The following E2F2 variants were observed in gnomAD, a reference collection of about 807,000 sequenced individuals.
The protein encoded by E2F2 is transcription factor E2F2.
A neutral mutation model predicts 42.2 loss-of-function variants in E2F2; 22 were observed. The observed-to-expected ratio is 0.52, with a 90% CI of 0.37 to 0.74. The LOEUF (loss-of-function observed/expected upper bound fraction) is 0.74, where lower values mean the gene tolerates loss of function less well. Among genes scored for constraint, E2F2 ranks in the 30% least tolerant of loss-of-function variants. The pLI is 0.00. For missense variants in E2F2, 481 were observed against 557.8 expected, an observed-to-expected ratio of 0.86 and a Z score of 1.39; for synonymous variants, 248 against 251.6, an observed-to-expected ratio of 0.99 and a Z score of 0.13.
intron 6 of E2F2, among the ~76,000 whole-genome samples, chr1:23,513,931 C>T (rs1642964157): frequency 6.6e-6 from 1 of 152,060 alleles, no homozygotes; most frequent in Non-Finnish European, 1.5e-5. Context: ...CGAGACCAGC[C>T]TGGCCAACAT....
chr1:23,511,968 C>G (rs1342743786), intron 6 of E2F2, among the ~76,000 whole-genome samples: 1 of 152,086 alleles, frequency 6.6e-6, no homozygotes, highest in Non-Finnish European at 1.5e-5. Flanking sequence ...GAGGGCGAGG[C>G]AGGCAGATCA....
Position 23,509,643 on chromosome 1 carries a change from G to T in E2F2, c.*237C>A. On this transcript the variant is annotated 3_prime_UTR_variant, in exon 7 of 7. Coordinates refer to ENST00000361729, the MANE Select transcript of E2F2 (RefSeq NM_004091.4). Reference sequence around the variant, plus strand: ...AGGTCAGAAGTCAGAAGACTGGATGGGCCTCCCTAGGCCCAGCTTCCATTA... The same window carrying T: ...AGGTCAGAAGTCAGAAGACTGGATGTGCCTCCCTAGGCCCAGCTTCCATTA... The T allele has an allele frequency of 1.5e-6, 1 of 680,302 alleles. No individual in the cohort carries two copies. The highest frequency in any genetic ancestry group is 2.0e-6 in the Non-Finnish European group (1 of 487,966). The allele number at this position is 680,302 out of a possible 1,614,324, so 42.1% of individuals were successfully genotyped here.
At chr1:23,505,519 C>CT (rs199998581), downstream of E2F2, among the ~76,000 whole-genome samples, 8,393 of 147,496 alleles carry the variant, frequency 0.057, 538 homozygotes, top group South Asian at 0.28. Context: ...GGCAAGGTCT[C>CT]TTTTTTTTTT....
intron 1 of E2F2, among the ~76,000 whole-genome samples, chr1:23,527,213 A>T (rs1242460993): frequency 6.6e-6 from 1 of 152,222 alleles, no homozygotes; most frequent in Non-Finnish European, 1.5e-5. Flanking sequence ...ATTCAGTGAG[A>T]TAGTGCAGCA....
intron 3 of E2F2, 104 bp from the exon 4 acceptor site, chr1:23,521,175 A>C: frequency 2.3e-6 from 3 of 1,285,910 alleles, no homozygotes; most frequent in Non-Finnish European, 3.1e-6. Flanking sequence ...TGTGGAAATC[A>C]GTGGTCATGC....
intron 6 of E2F2, among the ~76,000 whole-genome samples, chr1:23,511,680 C>T (rs1208554538): frequency 6.6e-6 from 1 of 152,240 alleles, no homozygotes; most frequent in Admixed American, 6.5e-5. Context: ...AAGTATTATT[C>T]TGAAGATACA....
chr1:23,516,634 A>T, intron 5 of E2F2, 107 bp from the exon 6 acceptor site: 2 of 901,420 alleles, frequency 2.2e-6, no homozygotes, highest in Non-Finnish European at 3.3e-6. Context: ...GTGCAAGCTC[A>T]AACCCTGGGC....
chr1:23,510,612 GC>G (rs1193646306), intron 6 of E2F2, among the ~76,000 whole-genome samples: 1 of 152,142 alleles, frequency 6.6e-6, no homozygotes, highest in Non-Finnish European at 1.5e-5. Flanking sequence ...ACTGTGCCCG[GC>G]CAAAAAGGAA....
At chr1:23,510,765 A>G (rs1642894068) in intron 6 of E2F2, among the ~76,000 whole-genome samples, 1 of 152,190 alleles carries the variant, frequency 6.6e-6, no homozygotes, top group South Asian at 2.1e-4. Context: ...AGAGAGTAGA[A>G]GGGTGGTTGT....
downstream of E2F2, among the ~76,000 whole-genome samples, chr1:23,505,696 G>A (rs938111684): frequency 6.6e-6 from 1 of 152,036 alleles, no homozygotes; most frequent in African/African-American, 2.4e-5. Flanking sequence ...TATTTTTTTA[G>A]TAGAGACGGG....
intron 1 of E2F2, among the ~76,000 whole-genome samples, chr1:23,526,436 C>T (rs1394313448): frequency 2.0e-5 from 3 of 152,062 alleles, no homozygotes; most frequent in East Asian, 1.9e-4. Flanking sequence ...CCAGCAGGAG[C>T]ACCAAGGGCA....
intron 5 of E2F2, 86 bp from the exon 6 acceptor site, chr1:23,516,613 G>T: frequency 1.8e-6 from 2 of 1,136,888 alleles, no homozygotes; most frequent in Non-Finnish European, 2.5e-6. Context: ...CGTGGCTGCT[G>T]CCATCCATGG....
intron 2 of E2F2, among the ~76,000 whole-genome samples, chr1:23,522,967 A>G (rs1045692339): frequency 3.3e-5 from 5 of 152,152 alleles, no homozygotes; most frequent in Admixed American, 6.5e-5. Context: ...GCCTTGACCA[A>G]TCAAATGTAG....
rs919994681 is a variant in E2F2, at chr1:23,531,048, G to C, written c.-255C>G. ...ACTGCCAGGGGCTGTCTCGTCCCGA[G>C]GGCACCGCGACCCGGGACGCCCCGC... On this transcript the variant is annotated 5_prime_UTR_variant, in exon 1 of 7. Coordinates refer to ENST00000361729, the MANE Select transcript of E2F2 (RefSeq NM_004091.4). The C allele has an allele frequency of 5.6e-5, 22 of 395,992 alleles. No homozygotes were observed. Among genetic ancestry groups the C allele is most frequent in the Admixed American group, 3.6e-4 (8 of 22,174 alleles). 24.5% of individuals were successfully genotyped at this position (395,992 alleles called of 1,614,324 possible). A position where few individuals can be genotyped will look rare whatever the true frequency, so the allele number is the denominator to read the frequency against.
At chr1:23,527,575 GGGAAGA>G (rs1194932266) in intron 1 of E2F2, among the ~76,000 whole-genome samples, 1 of 152,210 alleles carries the variant, frequency 6.6e-6, no homozygotes, top group Non-Finnish European at 1.5e-5. Context: ...CTGGGACTTG[GGGAAGA>G]GGAATTGACT....
At chr1:23,511,901 A>C (rs1642916829) in intron 6 of E2F2, among the ~76,000 whole-genome samples, 1 of 152,196 alleles carries the variant, frequency 6.6e-6, no homozygotes. Context: ...GTAAGTGCAT[A>C]TGAAGCACTG....
At chr1:23,524,825 A>G (rs970802774) in intron 1 of E2F2, among the ~76,000 whole-genome samples, 3 of 152,116 alleles carry the variant, frequency 2.0e-5, no homozygotes, top group African/African-American at 7.2e-5. Context: ...TCACCCCACC[A>G]CACCCAGAGG....
chr1:23,520,260 A>AGCC (rs1643113796), intron 4 of E2F2, among the ~76,000 whole-genome samples: 1 of 50,464 alleles, frequency 2.0e-5, no homozygotes, highest in Non-Finnish European at 7.1e-5. Flanking sequence ...AAAAAAAAAA[A>AGCC]AAAAAAAAAA....
At chr1:23,528,657 C>T (rs771146566) in intron 1 of E2F2, among the ~76,000 whole-genome samples, 2 of 152,156 alleles carry the variant, frequency 1.3e-5, no homozygotes, top group Non-Finnish European at 2.9e-5. Context: ...GTCTGGCACA[C>T]GAGAGGCACT....
Sources: gnomAD v4.1 joint callset for allele counts (sites outside exome capture counted in the v4.1 genomes callset) on GRCh38, gnomAD v4.1.1 for gene constraint, MANE v1.5 for transcripts, NCBI Gene and HGNC (gene_info 2026-07-23, HGNC 2026-07-21) for gene names.